COL11A1: variants seen among roughly 807,000 people sequenced by gnomAD.
COL11A1 encodes collagen type XI alpha 1 chain.
A neutral mutation model predicts 265.2 loss-of-function variants in COL11A1; 74 were observed. The observed-to-expected ratio is 0.28, with a 90% CI of 0.23 to 0.34. COL11A1 has a LOEUF of 0.34. Ranked by LOEUF, COL11A1 falls within the 10% of genes least tolerant of loss-of-function variation. The pLI is 1.00. For synonymous variants in COL11A1, 816 were observed against 727.6 expected (o/e 1.12, Z -1.96); for missense variants, 2,165 against 2,263.6 (o/e 0.96, Z 0.88).
intron 54 of COL11A1, among the ~76,000 whole-genome samples, chr1:102,903,223 A>G (rs993021534): frequency 6.6e-6 from 1 of 152,188 alleles, no homozygotes; most frequent in Admixed American, 6.5e-5. Flanking sequence ...TTACAAATGC[A>G]TGACAGAAAG....
chr1:103,096,792 T>A (rs1220333791), intron 1 of COL11A1, among the ~76,000 whole-genome samples: 1 of 152,012 alleles, frequency 6.6e-6, no homozygotes, highest in Non-Finnish European at 1.5e-5. Context: ...ATATTAATCT[T>A]AAGAAACAAA....
intron 46 of COL11A1, among the ~76,000 whole-genome samples, chr1:102,925,510 A>C (rs1656497792): frequency 6.6e-6 from 1 of 152,022 alleles, no homozygotes; most frequent in South Asian, 2.1e-4. Flanking sequence ...CCAGAATTTC[A>C]TTTTTTTCTC....
intron 54 of COL11A1, among the ~76,000 whole-genome samples, 173 bp downstream of exon 54, chr1:102,911,982 ATAGT>A (rs1239848689): frequency 6.6e-6 from 1 of 152,240 alleles, no homozygotes; most frequent in Non-Finnish European, 1.5e-5. Flanking sequence ...TGACAGTGAA[ATAGT>A]TAGAATATGT....
chr1:103,051,358 G>T (rs188295477), intron 4 of COL11A1, among the ~76,000 whole-genome samples: 3 of 152,282 alleles, frequency 2.0e-5, no homozygotes, highest in Non-Finnish European at 4.4e-5. Context: ...AGACTGCTGT[G>T]CTAGCAATCA....
At chr1:103,102,360 T>C (rs1389166270) in intron 1 of COL11A1, among the ~76,000 whole-genome samples, 3 of 152,076 alleles carry the variant, frequency 2.0e-5, no homozygotes, top group African/African-American at 4.8e-5. Context: ...GTTGACTCTT[T>C]AGTGAAAGAA....
intron 54 of COL11A1, among the ~76,000 whole-genome samples, chr1:102,903,780 T>G (rs1236752901): frequency 6.6e-6 from 1 of 152,172 alleles, no homozygotes; most frequent in African/African-American, 2.4e-5. Context: ...CCCTCTATGA[T>G]TAGATGTTTG....
At chr1:102,915,725 G>A (rs1457668618) in intron 49 of COL11A1, 41 bp from the exon 50 acceptor site, 3 of 1,402,894 alleles carry the variant, frequency 2.1e-6, no homozygotes, top group Non-Finnish European at 3.0e-6. Flanking sequence ...ATACAGAGAT[G>A]ATCTTTTACA....
At chr1:102,930,059 T>A (rs1321382579) in intron 46 of COL11A1, among the ~76,000 whole-genome samples, 1 of 152,170 alleles carries the variant, frequency 6.6e-6, no homozygotes, top group Non-Finnish European at 1.5e-5. Flanking sequence ...TGACTTCCTC[T>A]TTTCCTAATT....
rs140614884 is a variant in COL11A1, at chr1:102,920,229, T to C, written c.3762+82A>G. On this transcript the variant is annotated intron_variant, in intron 49 of 66. Transcript: ENST00000370096. Reference sequence around the variant, plus strand: ...GTAAAAGGCTTAGAAACACACATACTAGAAGCACTTAAACTACTACCCAAT... The same window carrying C: ...GTAAAAGGCTTAGAAACACACATACCAGAAGCACTTAAACTACTACCCAAT... The C allele has an allele frequency of 1.2e-4, 143 of 1,217,944 alleles. 1 individual carries two copies. In the East Asian group the frequency reaches 3.1e-3, roughly 26 times the overall value. 75.4% of individuals were successfully genotyped at this position (1,217,944 alleles called of 1,614,324 possible).
chr1:103,108,077 T>C lies in COL11A1; in HGVS notation c.102A>G (p.Arg34=). The change falls in exon 1 of 67, where the codon AGA becomes AGG. Residue 34 remains arginine (R), a synonymous_variant. Transcript: ENST00000370096. ...LTFLFQAREV[R]GAAPVDVLKA... is the part of the protein sequence containing the mutation. The stretch of plus-strand genomic sequence containing the variant: ...CCCAAATCCATTTTTTCTTACCTCC[T>C]CTGACCTCTCTAGCTTGGAAGAGGA... 6.2e-7 allele frequency: 1 copy of C among 1,613,158 alleles called. No individual in the cohort carries two copies. Among genetic ancestry groups the C allele is most frequent in the Admixed American group, 1.7e-5 (1 of 59,966 alleles).
rs202011565 is a variant in COL11A1, at chr1:103,006,281, G to A, written c.1718C>T (p.Thr573Met). Residue 573 changes from threonine to methionine, a missense_variant, in exon 16 of 67, where the codon ACG (threonine) becomes ATG (methionine). Transcript: ENST00000370096. ...PRGVQGPPGP[T>M]GKPGKRGRPG... ...CCATACCCTTTTTCCAGGTTTTCCC[G>A]TTGGACCAGGGGGACCCTGGACGCC... The A allele has an allele frequency of 1.5e-5, 24 of 1,608,908 alleles. No homozygotes were observed. Among genetic ancestry groups the A allele is most frequent in the Middle Eastern group, 3.3e-4 (2 of 6,042 alleles).
chr1:102,922,246 G>T (rs1408378144), intron 47 of COL11A1, among the ~76,000 whole-genome samples: 1 of 152,084 alleles, frequency 6.6e-6, no homozygotes, highest in African/African-American at 2.4e-5. Flanking sequence ...TTATTCTAAT[G>T]CCATGGTTGA....
At position 102,979,123 on chromosome 1, in the gene COL11A1, T is replaced by G. The variant is rs11164649; in HGVS notation, c.2611-19A>C. On this transcript the variant is annotated intron_variant, in intron 32 of 66. Coordinates refer to ENST00000370096, the MANE Select transcript of COL11A1 (RefSeq NM_001854.4). ...CTACTCCCTAGCAAAGACAGTTCAA[T>G]TTCAATATGCAGTATATCACAGTAA... The G allele has an allele frequency of 0.69, 1,110,636 of 1,611,902 alleles. 392,228 individuals are homozygous for G. The highest frequency in any genetic ancestry group is 0.92 in the East Asian group (41,429 of 44,854).
At chr1:103,037,878 A>T (rs1668497894) in intron 4 of COL11A1, among the ~76,000 whole-genome samples, 1 of 152,098 alleles carries the variant, frequency 6.6e-6, no homozygotes, top group East Asian at 1.9e-4. Context: ...AATATCTAAG[A>T]TTAGATATTT....
chr1:102,953,063 T>A (rs551971103), intron 41 of COL11A1, among the ~76,000 whole-genome samples: 2 of 152,316 alleles, frequency 1.3e-5, no homozygotes, highest in African/African-American at 4.8e-5. Context: ...GTGTATATAC[T>A]TTTTTTGTTT....
intron 41 of COL11A1, among the ~76,000 whole-genome samples, chr1:102,954,497 A>G (rs2615996): frequency 0.062 from 9,457 of 152,218 alleles, 602 homozygotes; most frequent in African/African-American, 0.16. Context: ...AAGTGCTTAC[A>G]AACCAGAGCT....
chr1:102,959,733 T>C (rs924301848), intron 41 of COL11A1, among the ~76,000 whole-genome samples: 1 of 152,216 alleles, frequency 6.6e-6, no homozygotes, highest in Non-Finnish European at 1.5e-5. Flanking sequence ...ATTCTACATG[T>C]AACTATACAT....
intron 49 of COL11A1, among the ~76,000 whole-genome samples, chr1:102,919,822 G>C (rs1427169311): frequency 2.0e-5 from 3 of 152,018 alleles, no homozygotes; most frequent in Non-Finnish European, 4.4e-5. Flanking sequence ...TATTCGTAAT[G>C]AAAATATAAC....
At chr1:103,095,842 A>G (rs1673713325) in intron 1 of COL11A1, among the ~76,000 whole-genome samples, 1 of 152,020 alleles carries the variant, frequency 6.6e-6, no homozygotes, top group African/African-American at 2.4e-5. Flanking sequence ...GTTATTTTAA[A>G]CTCTGTATTA....
Sources: allele counts gnomAD v4.1 joint callset (sites outside exome capture counted in the v4.1 genomes callset), GRCh38; gene constraint gnomAD v4.1.1; transcripts MANE v1.5; gene names NCBI Gene and HGNC (gene_info 2026-07-23, HGNC 2026-07-21).